GOLGA8B: variants seen among roughly 807,000 people sequenced by gnomAD.
GOLGA8B encodes the protein golgin subfamily A member 8B.
In GOLGA8B, 1 loss-of-function variant was observed where a neutral mutation model predicts 15.6. That is an observed-to-expected ratio of 0.06 (90% confidence interval 0.02 to 0.30). GOLGA8B has a LOEUF of 0.30. Among genes scored for constraint, GOLGA8B ranks in the 10% least tolerant of loss-of-function variants. GOLGA8B has a pLI of 1.00. For synonymous variants in GOLGA8B, 9 were observed against 80.3 expected (o/e 0.11, Z 4.75); for missense variants, 17 against 201.3 (o/e 0.08, Z 5.54).
At chr15:34,556,898 A>C in intron 1 of GOLGA8B, 1 of 906,246 alleles carries the variant, frequency 1.1e-6, no homozygotes, top group African/African-American at 1.7e-5. Flanking sequence ...GCAGATGCTG[A>C]AGCGAGGAGG....
At position 34,526,600 on chromosome 15, in the gene GOLGA8B, A is replaced by G. The variant is rs1888062215; in HGVS notation, c.*1032T>C. ...GTATGCCTGTTTCAGAGACATTTAAACTCTTAAAGGATGTCTTATGATCTT... is the reference window on the plus strand; with the variant it reads ...GTATGCCTGTTTCAGAGACATTTAAGCTCTTAAAGGATGTCTTATGATCTT... On this transcript the variant is annotated 3_prime_UTR_variant, in exon 24 of 24. Transcript: ENST00000683415. The G allele has an allele frequency of 6.7e-6, 1 of 148,772 alleles. No individual in the cohort carries two copies. The highest frequency in any genetic ancestry group is 1.5e-5 in the Non-Finnish European group (1 of 67,148). 9.2% of individuals were successfully genotyped at this position (148,772 alleles called of 1,614,324 possible).
intron 1 of GOLGA8B, among the ~76,000 whole-genome samples, chr15:34,569,338 G>A (rs1595708876): frequency 2.0e-5 from 3 of 151,358 alleles, no homozygotes; most frequent in South Asian, 4.2e-4. Context: ...CACGCCTCCC[G>A]GTAGGCTCCC....
chr15:34,566,982 C>T (rs1457122130), intron 1 of GOLGA8B, among the ~76,000 whole-genome samples: 2 of 115,544 alleles, frequency 1.7e-5, no homozygotes, highest in Non-Finnish European at 3.7e-5. Flanking sequence ...CCCAAGTGCT[C>T]CCGGTTTTCA....
At chr15:34,562,616 G>T (rs1888651602) in intron 1 of GOLGA8B, among the ~76,000 whole-genome samples, 1 of 132,972 alleles carries the variant, frequency 7.5e-6, no homozygotes, top group African/African-American at 2.6e-5. Context: ...GTTTATTTTG[G>T]TCTTATTTTT....
chr15:34,565,037 G>A lies in GOLGA8B; in HGVS notation c.-1122-11081C>T, dbSNP rs909997053. 8.3e-5 allele frequency among the ~76,000 whole-genome samples: 12 copies of A among 144,172 alleles called. 2 individuals are homozygous for A. Among genetic ancestry groups the A allele is most frequent in the African/African-American group, 3.0e-4 (12 of 40,534 alleles). The allele number at this position is 144,172 out of a possible 152,430, so 94.6% of individuals were successfully genotyped here. On this transcript the variant is annotated intron_variant, in intron 1 of 23. Transcript: ENST00000683415. The stretch of plus-strand genomic sequence containing the variant: ...GCTGAGAGCCGGGTGGGTGGCAGGG[G>A]CTACGGAGAAGGTGGTTGAGTTTAG...
intron 1 of GOLGA8B, among the ~76,000 whole-genome samples, chr15:34,564,618 G>T (rs1485126997): frequency 6.9e-6 from 1 of 145,964 alleles, no homozygotes; most frequent in Admixed American, 6.7e-5. Context: ...ACAAAGATCT[G>T]TGTCTCTGCA....
chr15:34,549,434 TACTG>T (rs1431446520), intron 4 of GOLGA8B, among the ~76,000 whole-genome samples: 35 of 30,998 alleles, frequency 1.1e-3, no homozygotes, highest in Middle Eastern at 0.019. Flanking sequence ...GGTGACACAT[TACTG>T]ACTAAGAGAG....
At chr15:34,554,276 T>C (rs1277256845) in intron 1 of GOLGA8B, among the ~76,000 whole-genome samples, 2 of 152,282 alleles carry the variant, frequency 1.3e-5, no homozygotes, top group Non-Finnish European at 1.5e-5. Context: ...AGCCCTGCCC[T>C]GGCTGAGCTG....
In GOLGA8B at chr15:34,527,112, T is replaced by C. The variant is rs1228579682; in HGVS notation, c.*520A>G. The C allele has an allele frequency of 1.9e-4, 42 of 219,462 alleles. 2 individuals carry two copies. Among genetic ancestry groups the C allele is most frequent in the Admixed American group, 4.9e-4 (9 of 18,348 alleles). The allele number at this position is 219,462 out of a possible 1,614,324, so 13.6% of individuals were successfully genotyped here. A position where few individuals can be genotyped will look rare whatever the true frequency, so the allele number is the denominator to read the frequency against. On this transcript the variant is annotated 3_prime_UTR_variant, in exon 24 of 24. Transcript: ENST00000683415. ...AAACAGCTCTAAGTGTCAGTACTCA[T>C]AGTGGCATATTACAAAGTAATAAAC...
At chr15:34,576,613 T>G (rs192402776) in intron 1 of GOLGA8B, among the ~76,000 whole-genome samples, 50 of 152,264 alleles carry the variant, frequency 3.3e-4, no homozygotes, top group East Asian at 1.4e-3. Flanking sequence ...AAGGCACTTC[T>G]AGTAGGAGCT....
chr15:34,557,650 G>A (rs1191819495), intron 1 of GOLGA8B, among the ~76,000 whole-genome samples: 1 of 104,548 alleles, frequency 9.6e-6, no homozygotes, highest in Non-Finnish European at 2.0e-5. Flanking sequence ...ATGAATGTGT[G>A]TGTGTGTGTG....
intron 1 of GOLGA8B, among the ~76,000 whole-genome samples, chr15:34,570,099 C>T (rs1888873029): frequency 6.6e-6 from 1 of 152,208 alleles, no homozygotes; most frequent in South Asian, 2.1e-4. Context: ...CCCTCATCTG[C>T]CTGTGCAACC....
chr15:34,567,663 T>A (rs547202331), intron 1 of GOLGA8B, among the ~76,000 whole-genome samples: 1 of 151,834 alleles, frequency 6.6e-6, no homozygotes, highest in Admixed American at 6.5e-5. Context: ...GGTTTAAAAT[T>A]GAAAATCAAA....
chr15:34,577,252 C>G (rs62004905), intron 1 of GOLGA8B, among the ~76,000 whole-genome samples: 26,794 of 151,374 alleles, frequency 0.18, 2,847 homozygotes, highest in Non-Finnish European at 0.26. Flanking sequence ...CACACACTTG[C>G]TTCCAGAGAG....
rs559954835 is a variant in GOLGA8B at position 34,567,483 on chromosome 15, T to C, written c.-1122-13527A>G. 7.2e-5 allele frequency among the ~76,000 whole-genome samples: 11 copies of C among 151,732 alleles called. No individual in the cohort carries two copies. In the East Asian group the frequency reaches 1.9e-3, roughly 27 times the overall value. ...TGAAGCAGGCTGCAGCTACTAATTT[T>C]CCATTAAACGAGAAGAAAATCGGCT... On this transcript the variant is annotated intron_variant, in intron 1 of 23. Transcript: ENST00000683415.
At chr15:34,560,273 TCTA>T (rs1206072502) in intron 1 of GOLGA8B, among the ~76,000 whole-genome samples, 1 of 134,136 alleles carries the variant, frequency 7.5e-6, no homozygotes, top group African/African-American at 2.9e-5. Flanking sequence ...TCCCAGATAT[TCTA>T]CTGTGTATAT....
At chr15:34,576,235 T>G (rs986339889) in intron 1 of GOLGA8B, among the ~76,000 whole-genome samples, 1 of 152,110 alleles carries the variant, frequency 6.6e-6, no homozygotes, top group South Asian at 2.1e-4. Context: ...CCAAATGAAG[T>G]CAAGACAAGT....
intron 1 of GOLGA8B, among the ~76,000 whole-genome samples, chr15:34,572,633 C>T (rs368038990): frequency 3.9e-5 from 6 of 152,162 alleles, no homozygotes; most frequent in Non-Finnish European, 8.8e-5. Flanking sequence ...TGGGAGGAAT[C>T]GCCACCAAAC....
chr15:34,576,562 A>G (rs930844891), intron 1 of GOLGA8B, among the ~76,000 whole-genome samples: 5 of 152,232 alleles, frequency 3.3e-5, no homozygotes, highest in African/African-American at 1.2e-4. Flanking sequence ...AAGGGTAGAG[A>G]AAGTTCACAG....
Sources: allele counts gnomAD v4.1 joint callset (sites outside exome capture counted in the v4.1 genomes callset), GRCh38; gene constraint gnomAD v4.1.1; transcripts MANE v1.5; gene names NCBI Gene and HGNC (gene_info 2026-07-23, HGNC 2026-07-21).